Variants in SLC6A7 observed in about 807,000 individuals in gnomAD.
The protein encoded by SLC6A7 is solute carrier family 6 member 7, also known as sodium-dependent proline transporter.
Under a neutral mutation model 73.1 loss-of-function variants are expected in SLC6A7, and 58 were observed. That is an observed-to-expected ratio of 0.79 (90% CI 0.64 to 0.99). The LOEUF (loss-of-function observed/expected upper bound fraction) is 0.99. Among genes scored for constraint, SLC6A7 ranks in the 50% least tolerant of loss-of-function variants. The probability of loss-of-function intolerance (pLI) is 0.00; values close to 1 mark genes in which losing one functional copy is unlikely to be tolerated. For synonymous variants in SLC6A7, 338 were observed against 338.7 expected (o/e 1.00, Z 0.02); for missense variants, 783 against 831.4 (o/e 0.94, Z 0.72).
chr5:150,199,604 A>T (rs1466574175), intron 5 of SLC6A7, among the ~76,000 whole-genome samples: 1 of 152,248 alleles, frequency 6.6e-6, no homozygotes, highest in East Asian at 1.9e-4. Flanking sequence ...GTCTACATTC[A>T]GCTGTATCCT....
chr5:150,190,998 T>G (rs9324642), intron 1 of SLC6A7, among the ~76,000 whole-genome samples: 1 of 152,018 alleles, frequency 6.6e-6, no homozygotes, highest in Non-Finnish European at 1.5e-5. Flanking sequence ...GGCCCAGACC[T>G]CAGGCTCTCC....
intron 1 of SLC6A7, among the ~76,000 whole-genome samples, 157 bp from the exon 2 acceptor site, chr5:150,194,571 C>A (rs1475492439): frequency 6.6e-6 from 1 of 152,156 alleles, no homozygotes; most frequent in Admixed American, 6.5e-5. Context: ...GGCTCTCCTG[C>A]ATATGACAAG....
At chr5:150,200,884 A>T (rs112054567) in intron 5 of SLC6A7, among the ~76,000 whole-genome samples, 3 of 152,322 alleles carry the variant, frequency 2.0e-5, no homozygotes, top group East Asian at 1.9e-4. Flanking sequence ...CAGGGGCTGC[A>T]GTGGACATGG....
At chr5:150,200,999 T>C (rs940379578) in intron 5 of SLC6A7, 90 bp from the exon 6 acceptor site, 1 of 1,434,074 alleles carries the variant, frequency 7.0e-7, no homozygotes, top group Admixed American at 1.7e-5. Flanking sequence ...ACCCAAAGGC[T>C]GGGGAGGCAA....
At chr5:150,205,768 C>G in intron 13 of SLC6A7, 145 bp downstream of exon 13, 1 of 705,452 alleles carries the variant, frequency 1.4e-6, no homozygotes, top group Non-Finnish European at 2.3e-6. Context: ...GAGGCAGATT[C>G]AGGGGCTGGA....
At chr5:150,202,230 C>T in intron 6 of SLC6A7, 117 bp from the exon 7 acceptor site, 1 of 728,042 alleles carries the variant, frequency 1.4e-6, no homozygotes, top group Non-Finnish European at 2.4e-6. Flanking sequence ...GGCTCATGAC[C>T]ACGCCATCCC....
chr5:150,205,424 C>T (rs1472655781), intron 12 of SLC6A7, 32 bp from the exon 13 acceptor site: 1 of 1,561,910 alleles, frequency 6.4e-7, no homozygotes, highest in Admixed American at 1.8e-5. Context: ...AGACAAAAGC[C>T]CGCAGTGATG....
At chr5:150,191,793 C>A (rs1752799637) in intron 1 of SLC6A7, among the ~76,000 whole-genome samples, 1 of 151,978 alleles carries the variant, frequency 6.6e-6, no homozygotes, top group Non-Finnish European at 1.5e-5. Flanking sequence ...TCTCTTGGGT[C>A]CTGTTTCCAT....
chr5:150,209,604 T>A lies in SLC6A7; in HGVS notation c.1900T>A (p.Ser634Thr), dbSNP rs1383437660. The change falls in exon 14 of 14, where the codon TCG becomes ACG. Residue 634 changes from serine (S) to threonine (T), a missense_variant. By Grantham distance (58) the Ser-to-Thr change is moderately conservative (BLOSUM62 1). Transcript: ENST00000230671. ...CCGTGAGATTGCAGAGGAGGAGGAG[T>A]CGATGATGTGAGGCAGGAGGCAGGC... ...VDREIAEEEESMM is the reference protein window; with the variant it reads ...VDREIAEEEETMM 1.3e-5 allele frequency: 21 copies of A among 1,602,602 alleles called. 1 individual carries two copies. In the Admixed American group the frequency reaches 3.6e-4, roughly 28 times the overall value.
intron 10 of SLC6A7, 99 bp from the exon 11 acceptor site, chr5:150,204,433 T>A (rs1038785421): frequency 8.6e-6 from 8 of 929,184 alleles, no homozygotes; most frequent in Non-Finnish European, 1.4e-5. Context: ...TCTTGTGCTG[T>A]CAGCATGGCT....
At position 150,210,079 on chromosome 5, in the gene SLC6A7, A is replaced by C. The variant is rs1210628807; in HGVS notation, c.*464A>C. 1 of 185,900 alleles carries C rather than the reference A, an allele frequency of 5.4e-6. No homozygotes were observed. The highest frequency in any genetic ancestry group is 1.3e-4 in the East Asian group (1 of 7,980). 11.5% of individuals were successfully genotyped at this position (185,900 alleles called of 1,614,324 possible). On this transcript the variant is annotated 3_prime_UTR_variant, in exon 14 of 14. Coordinates refer to ENST00000230671, the MANE Select transcript of SLC6A7 (RefSeq NM_014228.5). ...GCACAACCAGAATCTTGAGTTGGGC[A>C]GGGAAGGTCAGGGCTACAGAGGCTC...
intron 13 of SLC6A7, among the ~76,000 whole-genome samples, chr5:150,208,012 C>T (rs1181787384): frequency 4.6e-5 from 7 of 151,860 alleles, no homozygotes; most frequent in Admixed American, 1.3e-4. Flanking sequence ...ACCTTCCATG[C>T]GCAGGACAGC....
chr5:150,208,819 G>A (rs939771995), intron 13 of SLC6A7, among the ~76,000 whole-genome samples: 4 of 152,184 alleles, frequency 2.6e-5, no homozygotes, highest in Admixed American at 1.3e-4. Context: ...CCCCGACTCC[G>A]TCCATGGAAA....
Position 150,200,172 on chromosome 5 carries a change from G to T in SLC6A7, c.723+806G>T, listed in dbSNP as rs138797096. Among the ~76,000 whole-genome samples the T allele has an allele frequency of 1.3e-3, 191 of 152,226 alleles. 4 individuals are homozygous for T. In the South Asian group the frequency reaches 0.028, roughly 22 times the overall value. On this transcript the variant is annotated intron_variant, in intron 5 of 13. Transcript: ENST00000230671. ...CGGATGTCTACTTTAGGTGATGAAG[G>T]GGTGGAAAGGACGATAAAGCCATTT...
intron 3 of SLC6A7, 51 bp from the exon 4 acceptor site, chr5:150,196,991 G>T (rs772261115): frequency 1.3e-6 from 2 of 1,570,062 alleles, no homozygotes; most frequent in Non-Finnish European, 1.7e-6. Flanking sequence ...CACTCCACCC[G>T]GCTGGCAGAG....
chr5:150,196,482 C>T (rs1374936022), intron 2 of SLC6A7, among the ~76,000 whole-genome samples: 1 of 152,226 alleles, frequency 6.6e-6, no homozygotes, highest in African/African-American at 2.4e-5. Context: ...CCTCAGCAGG[C>T]GTTTCTCAGC....
chr5:150,196,047 T>A (rs532961124), intron 2 of SLC6A7, among the ~76,000 whole-genome samples: 37 of 152,312 alleles, frequency 2.4e-4, no homozygotes, highest in Admixed American at 6.5e-4. Flanking sequence ...TCTGAATGAA[T>A]CTATACAGAA....
chr5:150,198,639 G>A (rs1000402315), intron 4 of SLC6A7, among the ~76,000 whole-genome samples: 1 of 152,172 alleles, frequency 6.6e-6, no homozygotes, highest in Admixed American at 6.5e-5. Context: ...TTAGTGAAGG[G>A]ACTTTTCAGA....
At chr5:150,208,459 G>C (rs569036657) in intron 13 of SLC6A7, among the ~76,000 whole-genome samples, 88 of 152,292 alleles carry the variant, frequency 5.8e-4, no homozygotes, top group African/African-American at 2.1e-3. Context: ...TATCAGGGAG[G>C]TAGGCAGGGG....
Sources: gnomAD v4.1 joint callset for allele counts (sites outside exome capture counted in the v4.1 genomes callset) on GRCh38, gnomAD v4.1.1 for gene constraint, MANE v1.5 for transcripts, NCBI Gene and HGNC (gene_info 2026-07-23, HGNC 2026-07-21) for gene names.